The following FRMD4A variants were observed in gnomAD, a reference collection of about 807,000 sequenced individuals.
FRMD4A encodes the protein FERM domain containing 4A.
A neutral mutation model predicts 129.1 loss-of-function variants in FRMD4A; 29 were observed. The ratio of observed to expected loss-of-function variants is 0.22; its 90% CI spans 0.17 to 0.31. The LOEUF (loss-of-function observed/expected upper bound fraction) is 0.31. Ranked by LOEUF, FRMD4A falls within the 10% of genes least tolerant of loss-of-function variation. The pLI, the probability that FRMD4A is intolerant of heterozygous loss-of-function variation, is 1.00. For synonymous variants in FRMD4A, 634 were observed against 571.6 expected (o/e 1.11, Z -1.56); for missense variants, 1,272 against 1,375.8 (o/e 0.92, Z 1.19).
intron 12 of FRMD4A, among the ~76,000 whole-genome samples, chr10:13,717,714 G>C (rs934547027): frequency 8.3e-6 from 1 of 121,060 alleles, no homozygotes; most frequent in Admixed American, 8.4e-5. Flanking sequence ...TTTTTTTCCA[G>C]GGGTGGCGGG....
intron 2 of FRMD4A, among the ~76,000 whole-genome samples, chr10:14,018,255 G>A (rs1468154992): frequency 6.6e-6 from 1 of 151,114 alleles, no homozygotes; most frequent in East Asian, 1.9e-4. Context: ...AGACCATCCT[G>A]GCTAACATGG....
At chr10:13,687,715 C>T (rs2085228473) in intron 15 of FRMD4A, among the ~76,000 whole-genome samples, 2 of 152,186 alleles carry the variant, frequency 1.3e-5, no homozygotes, top group African/African-American at 4.8e-5. Context: ...TGGAAGCAAT[C>T]ACTGGGCTGT....
rs527392105 is a variant in FRMD4A at position 13,806,861 on chromosome 10, G to A, written c.206+3953C>T. ...CTCGCTCTGTTGCCCAGGCTGGAGT[G>A]CAGTGGCATGACCTCGGCTCACTGC... On this transcript the variant is annotated intron_variant, in intron 4 of 24. Coordinates refer to ENST00000357447, the MANE Select transcript of FRMD4A (RefSeq NM_018027.5). Among the ~76,000 whole-genome samples, 49 of 152,326 alleles carry A rather than the reference G, an allele frequency of 3.2e-4. No homozygotes were observed. In the South Asian group the frequency reaches 9.5e-3, roughly 30 times the overall value.
At chr10:13,767,361 C>T (rs544242984) in intron 6 of FRMD4A, among the ~76,000 whole-genome samples, 20 of 152,198 alleles carry the variant, frequency 1.3e-4, no homozygotes, top group South Asian at 6.2e-4. Flanking sequence ...GCCACAACCT[C>T]CCAAATAGCT....
chr10:13,853,146 A>C (rs980245559), intron 3 of FRMD4A, among the ~76,000 whole-genome samples: 2 of 152,188 alleles, frequency 1.3e-5, no homozygotes, highest in Non-Finnish European at 2.9e-5. Context: ...GACTCACATC[A>C]TGCGGCAGCT....
At chr10:14,139,303 C>T (rs1351892593) in intron 2 of FRMD4A, among the ~76,000 whole-genome samples, 1 of 152,098 alleles carries the variant, frequency 6.6e-6, no homozygotes, top group African/African-American at 2.4e-5. Flanking sequence ...GTATTTGAGT[C>T]AACTGTGTCA....
chr10:13,783,038 A>C (rs768099014), intron 5 of FRMD4A, 32 bp from the exon 6 acceptor site: 1 of 831,526 alleles, frequency 1.2e-6, no homozygotes, highest in South Asian at 1.3e-5. Context: ...TGAACCACAG[A>C]AACAGCAGGT....
Position 13,663,506 on chromosome 10 carries a change from C to T in FRMD4A, c.1607G>A (p.Gly536Glu). ...TQRASLIIDD[G>E]NIASEDSSLS... Reference sequence around the variant, plus strand: ...GGAGCTGTCTTCACTGGCAATGTTTCCATCTGAGAAGACAAAAAGCAATAG... The same window carrying T: ...GGAGCTGTCTTCACTGGCAATGTTTTCATCTGAGAAGACAAAAAGCAATAG... The change falls in exon 19 of 25, where the codon GGA (glycine) becomes GAA (glutamate). Residue 536 changes from glycine (G) to glutamate (E), a missense_variant. By Grantham distance (98) the Gly-to-Glu change is moderately conservative (BLOSUM62 -2). Transcript: ENST00000357447. The T allele has an allele frequency of 1.3e-6, 2 of 1,529,330 alleles. No individual in the cohort carries two copies. The highest frequency in any genetic ancestry group is 1.8e-6 in the Non-Finnish European group (2 of 1,102,394). The allele number at this position is 1,529,330 out of a possible 1,614,324, so 94.7% of individuals were successfully genotyped here.
intron 2 of FRMD4A, among the ~76,000 whole-genome samples, chr10:14,077,949 T>A (rs1835706396): frequency 6.6e-6 from 1 of 152,208 alleles, no homozygotes; most frequent in Non-Finnish European, 1.5e-5. Context: ...GAGGATGGCA[T>A]AGGTGAGGAA....
At chr10:14,281,755 A>T (rs887769762) in intron 2 of FRMD4A, among the ~76,000 whole-genome samples, 1 of 152,198 alleles carries the variant, frequency 6.6e-6, no homozygotes, top group Non-Finnish European at 1.5e-5. Context: ...TTAGTCATAA[A>T]CCATATGCAG....
intron 12 of FRMD4A, among the ~76,000 whole-genome samples, chr10:13,720,107 G>A (rs756310214): frequency 2.6e-5 from 4 of 152,172 alleles, no homozygotes; most frequent in Non-Finnish European, 5.9e-5. Context: ...GTGGTGCAGT[G>A]GGGTGATCTT....
At chr10:14,325,107 A>G (rs530373067) in intron 2 of FRMD4A, among the ~76,000 whole-genome samples, 4 of 152,196 alleles carry the variant, frequency 2.6e-5, no homozygotes, top group Non-Finnish European at 5.9e-5. Flanking sequence ...ACATCTGCAA[A>G]CGCACTTTGA....
At chr10:13,877,407 A>T (rs1465528311) in intron 2 of FRMD4A, among the ~76,000 whole-genome samples, 2 of 152,144 alleles carry the variant, frequency 1.3e-5, no homozygotes, top group Non-Finnish European at 2.9e-5. Flanking sequence ...ACACCCTTAA[A>T]TCAGATCAAA....
At chr10:13,719,923 G>A (rs1025091314) in intron 12 of FRMD4A, among the ~76,000 whole-genome samples, 7 of 152,296 alleles carry the variant, frequency 4.6e-5, no homozygotes, top group African/African-American at 1.7e-4. Context: ...GCCCAGATGG[G>A]AGCAATTTTT....
Position 13,769,209 on chromosome 10 carries a change from T to TTGTGTGTG in FRMD4A, c.385-6537_385-6530dup, listed in dbSNP as rs10558943. Among the ~76,000 whole-genome samples the TTGTGTGTG allele has an allele frequency of 5.9e-4, 86 of 145,184 alleles. 2 individuals are homozygous for TTGTGTGTG. The East Asian group carries it at 8.1e-3, about 14-fold the overall frequency. ...AAGATTTTGTTTTAAAAGAGATGGG[T>TTGTGTGTG]TGTGTGTGTGTGTGTGTGTGTGTGT... On this transcript the variant is annotated intron_variant, in intron 6 of 24. Transcript: ENST00000357447.
intron 2 of FRMD4A, among the ~76,000 whole-genome samples, chr10:14,274,527 A>C (rs576772134): frequency 1.3e-5 from 2 of 152,280 alleles, no homozygotes; most frequent in South Asian, 4.1e-4. Context: ...AAGGAGTTCC[A>C]GCCAGTTCCT....
intron 2 of FRMD4A, among the ~76,000 whole-genome samples, chr10:14,013,175 T>C (rs1380661811): frequency 6.6e-6 from 1 of 152,148 alleles, no homozygotes. Context: ...ACCACTTACA[T>C]GAAGGAAACA....
At position 14,313,873 on chromosome 10, in the gene FRMD4A, C is replaced by G. The variant is rs144575189; in HGVS notation, c.45+16185G>C. ...TTGGTTGTCTGCACAGCAGCCATTA[C>G]TCTGTATATTCTTCCCTACAGGAAG... On this transcript the variant is annotated intron_variant, in intron 2 of 24. Transcript: ENST00000357447. 4.3e-3 allele frequency among the ~76,000 whole-genome samples: 649 copies of G among 152,356 alleles called. 6 individuals carry two copies. Among genetic ancestry groups the G allele is most frequent in the African/African-American group, 0.014 (601 of 41,584 alleles).
At chr10:14,095,622 T>C (rs888134364) in intron 2 of FRMD4A, among the ~76,000 whole-genome samples, 4 of 152,248 alleles carry the variant, frequency 2.6e-5, no homozygotes, top group Non-Finnish European at 5.9e-5. Flanking sequence ...CCAGTGTTGC[T>C]CACTGCATCC....
Sources: gnomAD v4.1 joint callset for allele counts (sites outside exome capture counted in the v4.1 genomes callset) on GRCh38, gnomAD v4.1.1 for gene constraint, MANE v1.5 for transcripts, NCBI Gene and HGNC (gene_info 2026-07-23, HGNC 2026-07-21) for gene names.